The following NEK11 variants were observed in gnomAD, a reference collection of about 807,000 sequenced individuals.
NEK11 encodes the protein serine/threonine-protein kinase Nek11.
Under a neutral mutation model 80.7 loss-of-function variants are expected in NEK11, and 72 were observed. That is an observed-to-expected ratio of 0.89 (90% CI 0.74 to 1.08). NEK11 has a LOEUF of 1.08. Ranked by LOEUF, NEK11 falls within the 50% of genes least tolerant of loss-of-function variation. The pLI, the probability that NEK11 is intolerant of heterozygous loss-of-function variation, is 0.00. For synonymous variants in NEK11, 251 were observed against 260.7 expected (o/e 0.96, Z 0.36); for missense variants, 764 against 763.6 (o/e 1.00, Z -0.01).
intron 5 of NEK11, among the ~76,000 whole-genome samples, chr3:131,121,183 G>A (rs2082316003): frequency 6.6e-6 from 1 of 152,180 alleles, no homozygotes; most frequent in Admixed American, 6.5e-5. Flanking sequence ...TGTCCTTTCT[G>A]TCTGTTAGTT....
chr3:131,106,535 T>G (rs2079209819), intron 4 of NEK11, among the ~76,000 whole-genome samples: 1 of 152,102 alleles, frequency 6.6e-6, no homozygotes. Context: ...GGAGAAGAGT[T>G]GTGCATCTGT....
intron 17 of NEK11, among the ~76,000 whole-genome samples, chr3:131,345,054 CT>C (rs2097341462): frequency 6.6e-6 from 1 of 152,058 alleles, no homozygotes; most frequent in Non-Finnish European, 1.5e-5. Context: ...TGCATCTTTT[CT>C]TTTTTTCATA....
chr3:131,133,088 T>C (rs557448610), intron 6 of NEK11, among the ~76,000 whole-genome samples: 1 of 152,284 alleles, frequency 6.6e-6, no homozygotes, highest in South Asian at 2.1e-4. Flanking sequence ...AAATATACTT[T>C]GAGTTCCCTG....
chr3:131,184,381 A>C (rs569064927), intron 14 of NEK11, among the ~76,000 whole-genome samples: 1 of 152,188 alleles, frequency 6.6e-6, no homozygotes, highest in African/African-American at 2.4e-5. Flanking sequence ...AGTGATTCGT[A>C]GGCACATTAA....
intron 3 of NEK11, among the ~76,000 whole-genome samples, chr3:131,055,955 A>T (rs1432269280): frequency 6.6e-6 from 1 of 152,172 alleles, no homozygotes; most frequent in Non-Finnish European, 1.5e-5. Context: ...CAGTATTCTT[A>T]CTTATGTTTA....
At chr3:131,342,331 A>G (rs2097299151) in intron 17 of NEK11, among the ~76,000 whole-genome samples, 1 of 152,346 alleles carries the variant, frequency 6.6e-6, no homozygotes, top group East Asian at 1.9e-4. Context: ...TGTTGAAATG[A>G]CGATATTAAA....
chr3:131,344,706 G>A lies in NEK11; in HGVS notation c.1719-4851G>A, dbSNP rs181438641. ...GCTTGGCTTCTGGGAAGGCCTTAGC[G>A]AGCTTTTACTTATGGCAGAAGGGGA... On this transcript the variant is annotated intron_variant, in intron 17 of 17. Coordinates refer to ENST00000383366, the MANE Select transcript of NEK11 (RefSeq NM_024800.5). Among the ~76,000 whole-genome samples, 1,093 of 152,284 alleles carry A rather than the reference G, an allele frequency of 7.2e-3. 9 individuals carry two copies. The highest frequency in any genetic ancestry group is 0.014 in the Middle Eastern group (4 of 294).
At chr3:131,153,544 C>T (rs1233722064) in intron 9 of NEK11, among the ~76,000 whole-genome samples, 1 of 151,760 alleles carries the variant, frequency 6.6e-6, no homozygotes, top group Non-Finnish European at 1.5e-5. Context: ...AATACAGGTC[C>T]CTGAAGCAAG....
intron 17 of NEK11, among the ~76,000 whole-genome samples, chr3:131,334,426 A>C (rs1215406003): frequency 6.6e-6 from 1 of 151,758 alleles, no homozygotes; most frequent in Non-Finnish European, 1.5e-5. Context: ...CAATGAGAAC[A>C]AAGACACAAC....
intron 17 of NEK11, 137 bp from the exon 18 acceptor site, chr3:131,349,420 T>C: frequency 1.5e-6 from 1 of 658,352 alleles, no homozygotes; most frequent in Non-Finnish European, 2.6e-6. Flanking sequence ...AGGGTGGAGA[T>C]ATTGTGCCTT....
intron 16 of NEK11, among the ~76,000 whole-genome samples, chr3:131,258,618 G>A (rs754347154): frequency 7.2e-5 from 11 of 152,116 alleles, no homozygotes; most frequent in Non-Finnish European, 1.2e-4. Context: ...CAGACACTTC[G>A]TCTCTTCCTT....
At chr3:131,033,853 G>A (rs1316724698) in intron 3 of NEK11, among the ~76,000 whole-genome samples, 2 of 152,042 alleles carry the variant, frequency 1.3e-5, no homozygotes, top group Non-Finnish European at 2.9e-5. Context: ...TAAATATTGG[G>A]CATCCCTTTT....
At chr3:131,072,039 T>C (rs929680428) in intron 3 of NEK11, among the ~76,000 whole-genome samples, 10 of 152,210 alleles carry the variant, frequency 6.6e-5, no homozygotes, top group Non-Finnish European at 1.5e-4. Flanking sequence ...TAATCTCTTC[T>C]TCTTTAAACA....
chr3:131,202,735 A>C (rs1489694755), intron 14 of NEK11, among the ~76,000 whole-genome samples: 4 of 152,176 alleles, frequency 2.6e-5, no homozygotes, highest in African/African-American at 9.7e-5. Context: ...TTACGAGAAA[A>C]AAATCAAACA....
At chr3:131,281,373 A>G (rs990417934) in intron 17 of NEK11, among the ~76,000 whole-genome samples, 4 of 152,174 alleles carry the variant, frequency 2.6e-5, no homozygotes, top group African/African-American at 9.7e-5. Flanking sequence ...AACATATTAT[A>G]TACATTTTGT....
chr3:131,262,793 C>T (rs1192906874), intron 16 of NEK11, among the ~76,000 whole-genome samples: 6 of 152,128 alleles, frequency 3.9e-5, no homozygotes, highest in Non-Finnish European at 5.9e-5. Context: ...AGGTATTTCT[C>T]CTAATGCTAT....
chr3:131,161,011 C>T (rs1274824883), intron 10 of NEK11, among the ~76,000 whole-genome samples: 1 of 152,040 alleles, frequency 6.6e-6, no homozygotes, highest in East Asian at 1.9e-4. Context: ...GGTGAAACCC[C>T]GTCTCTACTA....
chr3:131,132,490 A>G (rs1025560201), intron 5 of NEK11, among the ~76,000 whole-genome samples: 2 of 152,080 alleles, frequency 1.3e-5, no homozygotes, highest in Non-Finnish European at 2.9e-5. Context: ...AATATAGCCT[A>G]TTGAAATAGT....
At chr3:131,303,997 A>G (rs2096693880) in intron 17 of NEK11, among the ~76,000 whole-genome samples, 1 of 152,202 alleles carries the variant, frequency 6.6e-6, no homozygotes, top group Admixed American at 6.5e-5. Flanking sequence ...AGTGAGTCAT[A>G]GATTTGGTCT....
Sources: gnomAD v4.1 joint callset for allele counts (sites outside exome capture counted in the v4.1 genomes callset) on GRCh38, gnomAD v4.1.1 for gene constraint, MANE v1.5 for transcripts, NCBI Gene and HGNC (gene_info 2026-07-23, HGNC 2026-07-21) for gene names.